Variants in TRPM8 observed in about 807,000 individuals in gnomAD.
TRPM8 encodes the protein transient receptor potential cation channel subfamily M member 8, also known as TRPM8 cationic channel.
A neutral mutation model predicts 133.7 loss-of-function variants in TRPM8; 110 were observed. The ratio of observed to expected loss-of-function variants is 0.82; its 90% CI spans 0.70 to 0.96. TRPM8 has a LOEUF of 0.96. TRPM8 is among the 40% of genes least tolerant of loss of function. The probability of loss-of-function intolerance (pLI) is 0.00; values close to 1 mark genes in which losing one functional copy is unlikely to be tolerated. For missense variants in TRPM8, 1,291 were observed against 1,379.5 expected, an observed-to-expected ratio of 0.94 and a Z score of 1.02; for synonymous variants, 535 against 532.3, an observed-to-expected ratio of 1.01 and a Z score of -0.07.
At position 233,970,362 on chromosome 2, in the gene TRPM8, C is replaced by T; in HGVS notation, c.2291C>T (p.Pro764Leu). The change falls in exon 17 of 26, where the codon CCA becomes CTA. Residue 764 changes from proline to leucine, a missense_variant. Physicochemically the swap from Pro to Leu is moderately conservative, Grantham distance 98. Transcript: ENST00000324695. ...CTGCTCATGGATTTCCATTCGGTGC[C>T]ACACCCCCCCGAGCTGGTCCTGTAC... ...YVLLMDFHSV[P>L]HPPELVLYSL... 6.2e-7 allele frequency: 1 copy of T among 1,614,118 alleles called. No individual in the cohort carries two copies. Among genetic ancestry groups the T allele is most frequent in the Non-Finnish European group, 8.5e-7 (1 of 1,180,034 alleles).
At position 233,946,048 on chromosome 2, in the gene TRPM8, A is replaced by G. The variant is rs1217147002; in HGVS notation, c.874+18A>G. The G allele has an allele frequency of 6.2e-7, 1 of 1,612,172 alleles. No homozygotes were observed. The highest frequency in any genetic ancestry group is 8.5e-7 in the Non-Finnish European group (1 of 1,178,684). The stretch of plus-strand genomic sequence containing the variant: ...TATTCAAGGTCAGTGGTTAGGAGGT[A>G]GGACACTAGAAGTGTACAATAACCA... On this transcript the variant is annotated intron_variant, in intron 7 of 25. Transcript: ENST00000324695.
chr2:233,936,749 G>GTC (rs2125075405), intron 3 of TRPM8, among the ~76,000 whole-genome samples: 1 of 152,306 alleles, frequency 6.6e-6, no homozygotes, highest in East Asian at 1.9e-4. Context: ...CTGAAACTCA[G>GTC]TCTCATAACA....
rs28901630 is a variant in TRPM8 at position 233,942,727 on chromosome 2, C to T, written c.678C>T (p.Leu226=). The change falls in exon 6 of 26, where the codon CTC becomes CTT. Residue 226 remains leucine (L), a synonymous_variant. Coordinates refer to ENST00000324695, the MANE Select transcript of TRPM8 (RefSeq NM_024080.5). ...AWGMVSNRDT[L]IRNCDAEGYF... ...GCATGGTCTCCAACCGGGACACCCTCATCAGGAATTGCGATGCTGAGGTAC... is the reference window on the plus strand; with the variant it reads ...GCATGGTCTCCAACCGGGACACCCTTATCAGGAATTGCGATGCTGAGGTAC... 1.9e-6 allele frequency: 3 copies of T among 1,614,156 alleles called. No homozygotes were observed. Among genetic ancestry groups the T allele is most frequent in the South Asian group, 2.2e-5 (2 of 91,072 alleles).
chr2:233,992,070 T>A (rs542044712), intron 21 of TRPM8, among the ~76,000 whole-genome samples: 29 of 152,338 alleles, frequency 1.9e-4, no homozygotes, highest in African/African-American at 6.7e-4. Flanking sequence ...CTTGTTAATT[T>A]GTTTCCAGCC....
intron 13 of TRPM8, among the ~76,000 whole-genome samples, chr2:233,964,010 T>G (rs1002084487): frequency 1.3e-5 from 2 of 152,210 alleles, no homozygotes; most frequent in Non-Finnish European, 2.9e-5. Context: ...ATATGGTAAT[T>G]CTATGTTCAA....
intron 21 of TRPM8, among the ~76,000 whole-genome samples, chr2:233,993,243 C>T (rs141245688): frequency 2.0e-5 from 3 of 152,312 alleles, no homozygotes; most frequent in African/African-American, 7.2e-5. Flanking sequence ...CATTGCTGCT[C>T]ACTGGATCCA....
In TRPM8 at chr2:233,926,553, G is replaced by A. The variant is rs759313713; in HGVS notation, c.16G>A (p.Ala6Thr). 6 of 1,614,040 alleles carry A rather than the reference G, an allele frequency of 3.7e-6. No individual in the cohort carries two copies. Among genetic ancestry groups the A allele is most frequent in the East Asian group, 2.2e-5 (1 of 44,856 alleles). ...CACAGAAAAGATGTCCTTTCGGGCA[G>A]CCAGGCTCAGCATGAGGAACAGAAG... is the stretch of plus-strand genomic sequence containing the variant. The part of the protein sequence containing the change: MSFRA[A>T]RLSMRNRRND... Residue 6 changes from alanine (A) to threonine (T), a missense_variant, in exon 2 of 26, where the codon GCC (alanine) becomes ACC (threonine). Around this residue, in one of 2 missense-constraint regions of TRPM8, gnomAD observed 963 missense variants for 968.9 expected, o/e 0.99. Coordinates refer to ENST00000324695, the MANE Select transcript of TRPM8 (RefSeq NM_024080.5).
intron 24 of TRPM8, 142 bp downstream of exon 24, chr2:234,008,245 A>T: frequency 1.2e-6 from 1 of 816,388 alleles, no homozygotes. Context: ...AGGGTGCTGG[A>T]ATGGTATTGC....
intron 20 of TRPM8, 102 bp downstream of exon 20, chr2:233,983,326 CG>C: frequency 7.5e-7 from 1 of 1,328,472 alleles, no homozygotes; most frequent in Non-Finnish European, 1.1e-6. Context: ...GAAGCACGCG[CG>C]TGAAACGGAG....
chr2:233,986,670 T>A (rs1692155358), intron 21 of TRPM8, among the ~76,000 whole-genome samples: 1 of 152,148 alleles, frequency 6.6e-6, no homozygotes, highest in African/African-American at 2.4e-5. Flanking sequence ...ATAAACATAT[T>A]TGATTATATA....
intron 20 of TRPM8, 160 bp downstream of exon 20, chr2:233,983,384 C>A: frequency 1.3e-6 from 1 of 757,684 alleles, no homozygotes; most frequent in Non-Finnish European, 2.3e-6. Flanking sequence ...CTCTTCTTTG[C>A]TCTTAAGCAA....
At chr2:233,928,808 G>GT (rs1691623060) in intron 2 of TRPM8, among the ~76,000 whole-genome samples, 1 of 152,122 alleles carries the variant, frequency 6.6e-6, no homozygotes, top group Non-Finnish European at 1.5e-5. Flanking sequence ...TGGCCGCCCC[G>GT]TTGGCTTTCC....
chr2:233,987,668 A>G (rs1384418663), intron 21 of TRPM8, among the ~76,000 whole-genome samples: 1 of 152,200 alleles, frequency 6.6e-6, no homozygotes, highest in Non-Finnish European at 1.5e-5. Flanking sequence ...AACATCACCG[A>G]TGTAGTTTGG....
At chr2:233,950,222 C>T in intron 9 of TRPM8, 76 bp downstream of exon 9, 4 of 1,383,758 alleles carry the variant, frequency 2.9e-6, no homozygotes, top group Non-Finnish European at 3.0e-6. Flanking sequence ...CTTAAACGCC[C>T]AACTCCACCA....
intron 11 of TRPM8, 83 bp from the exon 12 acceptor site, chr2:233,960,693 C>A: frequency 1.9e-6 from 2 of 1,047,848 alleles, no homozygotes; most frequent in Non-Finnish European, 2.9e-6. Context: ...AAATACAGTG[C>A]TACTGAGGAA....
At chr2:233,948,867 T>C (rs1691106109) in intron 8 of TRPM8, among the ~76,000 whole-genome samples, 1 of 152,124 alleles carries the variant, frequency 6.6e-6, no homozygotes, top group African/African-American at 2.4e-5. Flanking sequence ...ACCCTGTCTC[T>C]ACTAAAAAAT....
At chr2:233,917,680 A>G (rs1026783197) in intron 1 of TRPM8, among the ~76,000 whole-genome samples, 3 of 152,222 alleles carry the variant, frequency 2.0e-5, no homozygotes, top group African/African-American at 7.2e-5. Context: ...GAATTTTTGA[A>G]TGACTTTAAA....
intron 14 of TRPM8, among the ~76,000 whole-genome samples, chr2:233,965,187 C>A (rs867183141): frequency 6.6e-6 from 1 of 152,106 alleles, no homozygotes; most frequent in Non-Finnish European, 1.5e-5. Context: ...CCTGGGCCTG[C>A]GACACTCATG....
At chr2:234,010,036 A>G (rs756136968) in intron 24 of TRPM8, among the ~76,000 whole-genome samples, 88 of 152,268 alleles carry the variant, frequency 5.8e-4, no homozygotes, top group Non-Finnish European at 1.2e-3. Context: ...CGTGGGTACA[A>G]TGTTGTTAAC....
Sources: allele counts gnomAD v4.1 joint callset (sites outside exome capture counted in the v4.1 genomes callset), GRCh38; gene constraint gnomAD v4.1.1; regional missense constraint gnomAD v4.1.1; transcripts MANE v1.5; gene names NCBI Gene and HGNC (gene_info 2026-07-23, HGNC 2026-07-21).